Variants in DMRT3 observed in about 807,000 individuals in gnomAD.
The protein encoded by DMRT3 is doublesex and mab-3 related transcription factor 3.
A neutral mutation model predicts 34.9 loss-of-function variants in DMRT3; 29 were observed. The ratio of observed to expected loss-of-function variants is 0.83; its 90% CI spans 0.62 to 1.13. The LOEUF (loss-of-function observed/expected upper bound fraction) is 1.13. Among genes scored for constraint, DMRT3 ranks in the 50% most tolerant of loss-of-function variants. DMRT3 has a pLI of 0.00. For missense variants in DMRT3, 772 were observed against 629.1 expected (o/e 1.23, Z -2.43); for synonymous variants, 350 against 286.0 (o/e 1.22, Z -2.26).
intron 1 of DMRT3, 42 bp downstream of exon 1, chr9:977,497 G>A (rs1820167388): frequency 8.0e-7 from 1 of 1,256,816 alleles, no homozygotes; most frequent in African/African-American, 1.5e-5. Flanking sequence ...GGGCGCGGGG[G>A]CAACTTCGGA....
chr9:990,663 G>A lies in DMRT3; in HGVS notation c.1077G>A (p.Gln359=), dbSNP rs1563690739. 18 of 1,613,980 alleles carry A rather than the reference G, an allele frequency of 1.1e-5. No homozygotes were observed. The highest frequency in any genetic ancestry group is 1.4e-5 in the Non-Finnish European group (17 of 1,180,034). The change falls in exon 2 of 2, where the codon CAG becomes CAA. Residue 359 remains glutamine (Q), a synonymous_variant. Transcript: ENST00000190165. The part of the protein sequence containing the change: ...VVPSPLAGPL[Q]PPFPQPPRYP... ...CCAGTCCCTTGGCTGGGCCTCTGCA[G>A]CCCCCTTTCCCCCAGCCACCCCGGT...
In DMRT3 at chr9:986,489, T is replaced by C. The variant is rs111638049; in HGVS notation, c.455-3552T>C. ...GAAGAGTCAATTTGGTTGACAGACC[T>C]GAGAAAACACTTCCTAATATGTTTT... On this transcript the variant is annotated intron_variant, in intron 1 of 1. Transcript: ENST00000190165. 8.7e-3 allele frequency among the ~76,000 whole-genome samples: 1,319 copies of C among 152,326 alleles called. 16 individuals carry two copies. Among genetic ancestry groups the C allele is most frequent in the African/African-American group, 0.03 (1,232 of 41,574 alleles).
rs1302379254 is a variant in DMRT3, at chr9:985,994, C to T, written c.455-4047C>T. 1.1e-4 allele frequency among the ~76,000 whole-genome samples: 17 copies of T among 152,232 alleles called. 1 individual carries two copies. The highest frequency in any genetic ancestry group is 1.0e-3 in the Admixed American group (16 of 15,278). ...CCTGTGACATTGTGTTAGCTTTTCT[C>T]ATATTTTGGCTATAGCCAGACGGCA... is the stretch of plus-strand genomic sequence containing the variant. On this transcript the variant is annotated intron_variant, in intron 1 of 1. Coordinates refer to ENST00000190165, the MANE Select transcript of DMRT3 (RefSeq NM_021240.4).
Position 976,844 on chromosome 9 carries a change from C to A in DMRT3, c.-158C>A. ...GGGAGCTGGAGAGACGACTGCGGCA[C>A]CTCCGGCCGCCCCGGAGCACACACG... On this transcript the variant is annotated 5_prime_UTR_variant, in exon 1 of 2. Coordinates refer to ENST00000190165, the MANE Select transcript of DMRT3 (RefSeq NM_021240.4). This position sits in a 1 kb window ranked among gnomAD's most constrained non-coding sequence, Gnocchi z 4.5. 1 of 689,974 alleles carries A rather than the reference C, an allele frequency of 1.4e-6. No homozygotes were observed. The allele number at this position is 689,974 out of a possible 1,614,324, so 42.7% of individuals were successfully genotyped here. A position where few individuals can be genotyped will look rare whatever the true frequency, so the allele number is the denominator to read the frequency against.
intron 1 of DMRT3, chr9:989,779 G>A: frequency 2.7e-6 from 1 of 364,090 alleles, no homozygotes; most frequent in South Asian, 4.5e-5. Context: ...ACAGGTTCAT[G>A]TAGCCATTCT....
chr9:991,022 T>C lies in DMRT3; in HGVS notation c.*17T>C, dbSNP rs765723051. ...TCATCTTAAAGTGGTGCTGGATGGG[T>C]GGTGGCCAGGTGACATTTTCTGTGC... On this transcript the variant is annotated 3_prime_UTR_variant, in exon 2 of 2. Coordinates refer to ENST00000190165, the MANE Select transcript of DMRT3 (RefSeq NM_021240.4). 1.9e-6 allele frequency: 3 copies of C among 1,590,820 alleles called. No individual in the cohort carries two copies. In the Admixed American group the frequency reaches 5.1e-5, roughly 27 times the overall value.
chr9:987,509 C>G (rs1009040864), intron 1 of DMRT3, among the ~76,000 whole-genome samples: 3 of 150,436 alleles, frequency 2.0e-5, no homozygotes, highest in African/African-American at 2.5e-5. Flanking sequence ...TTGCTTTCAC[C>G]TTTTGGCTAT....
At chr9:982,873 T>C (rs1177623388) in intron 1 of DMRT3, among the ~76,000 whole-genome samples, 2 of 152,188 alleles carry the variant, frequency 1.3e-5, no homozygotes, top group African/African-American at 2.4e-5. Flanking sequence ...CCTTTAAACC[T>C]GTTGCAGCCC....
rs755840866 is a variant in DMRT3 at position 977,290 on chromosome 9, C to T, written c.289C>T (p.Pro97Ser). Residue 97 changes from proline (P) to serine (S), a missense_variant, in exon 1 of 2, where the codon CCC becomes TCC. Coordinates refer to ENST00000190165, the MANE Select transcript of DMRT3 (RefSeq NM_021240.4). ...CGACTCGCTGCGCGCTCTGCCAGGG[C>T]CCCCGCCGCCGGGGGACGCCGTCGC... is the stretch of plus-strand genomic sequence containing the variant. ...IPDSLRALPGPPPPGDAVAAP... is the reference protein window; with the variant it reads ...IPDSLRALPGSPPPGDAVAAP... 23 of 1,417,362 alleles carry T rather than the reference C, an allele frequency of 1.6e-5. No homozygotes were observed. The highest frequency in any genetic ancestry group is 7.4e-5 in the African/African-American group (5 of 67,450). The allele number at this position is 1,417,362 out of a possible 1,614,324, so 87.8% of individuals were successfully genotyped here.
Position 990,884 on chromosome 9 carries a change from C to G in DMRT3, c.1298C>G (p.Pro433Arg). 7 of 1,614,124 alleles carry G rather than the reference C, an allele frequency of 4.3e-6. No homozygotes were observed. The highest frequency in any genetic ancestry group is 5.9e-6 in the Non-Finnish European group (7 of 1,180,026). ...PVLPARATED[P>R]RISIPDDGCP... ...CTTCCTGCCCGCGCCACGGAAGACCCTCGGATTTCCATCCCTGATGATGGG... is the reference window on the plus strand; with the variant it reads ...CTTCCTGCCCGCGCCACGGAAGACCGTCGGATTTCCATCCCTGATGATGGG... Residue 433 changes from proline to arginine, a missense_variant, in exon 2 of 2, where the codon CCT becomes CGT. Transcript: ENST00000190165.
intron 1 of DMRT3, among the ~76,000 whole-genome samples, chr9:980,291 A>G (rs968251343): frequency 6.6e-6 from 1 of 152,222 alleles, no homozygotes; most frequent in African/African-American, 2.4e-5. Context: ...GATTCTTTAA[A>G]GGAATGGGGT....
At chr9:978,538 A>T (rs1820179569) in intron 1 of DMRT3, among the ~76,000 whole-genome samples, 1 of 152,192 alleles carries the variant, frequency 6.6e-6, no homozygotes, top group Non-Finnish European at 1.5e-5. Flanking sequence ...ACCTACACTG[A>T]CCTGCCAACT....
intron 1 of DMRT3, among the ~76,000 whole-genome samples, chr9:978,907 C>G (rs1232197395): frequency 6.6e-6 from 1 of 151,984 alleles, no homozygotes; most frequent in African/African-American, 2.4e-5. Context: ...TTGTCACAGA[C>G]GAAGAGGAGG....
chr9:982,459 A>G (rs1285584203), intron 1 of DMRT3, among the ~76,000 whole-genome samples: 1 of 152,206 alleles, frequency 6.6e-6, no homozygotes, highest in Non-Finnish European at 1.5e-5. Flanking sequence ...TTTTTCCCTG[A>G]TGGATGAACT....
At chr9:987,801 G>A (rs948833454) in intron 1 of DMRT3, among the ~76,000 whole-genome samples, 2 of 152,080 alleles carry the variant, frequency 1.3e-5, no homozygotes, top group Non-Finnish European at 2.9e-5. Context: ...GTATTTTAAA[G>A]AAGTACTTTA....
At chr9:981,562 C>G (rs1820221523) in intron 1 of DMRT3, among the ~76,000 whole-genome samples, 1 of 152,238 alleles carries the variant, frequency 6.6e-6, no homozygotes, top group African/African-American at 2.4e-5. Context: ...AAACCCCACC[C>G]CAGGGCTGGC....
intron 1 of DMRT3, among the ~76,000 whole-genome samples, chr9:989,154 AAAG>A (rs1820320750): frequency 6.6e-6 from 1 of 152,244 alleles, no homozygotes; most frequent in Non-Finnish European, 1.5e-5. Context: ...GGCTTTAAAA[AAAG>A]GTATCTTCAA....
chr9:986,614 C>T (rs1047595995), intron 1 of DMRT3, among the ~76,000 whole-genome samples: 2 of 152,024 alleles, frequency 1.3e-5, no homozygotes, highest in African/African-American at 2.4e-5. Flanking sequence ...TTGAGCTGGC[C>T]GGGCGTGGTG....
chr9:980,857 T>G (rs1586682725), intron 1 of DMRT3, among the ~76,000 whole-genome samples: 1 of 152,142 alleles, frequency 6.6e-6, no homozygotes, highest in African/African-American at 2.4e-5. Flanking sequence ...TGTGGCTCCC[T>G]TCCCTACCCC....
Sources: allele counts gnomAD v4.1 joint callset (sites outside exome capture counted in the v4.1 genomes callset), GRCh38; gene constraint gnomAD v4.1.1; non-coding constraint Gnocchi (gnomAD v3.1); transcripts MANE v1.5; gene names NCBI Gene and HGNC (gene_info 2026-07-23, HGNC 2026-07-21).